Variants in PPP2R3B observed in about 807,000 individuals in gnomAD.
The protein encoded by PPP2R3B is protein phosphatase 2 regulatory subunit B''beta.
In PPP2R3B, 68 loss-of-function variants were observed where a neutral mutation model predicts 72.9. That is an observed-to-expected ratio of 0.93 (90% CI 0.77 to 1.14). The LOEUF (loss-of-function observed/expected upper bound fraction) is 1.14, where lower values mean the gene tolerates loss of function less well. Ranked by LOEUF, PPP2R3B falls within the 50% of genes most tolerant of loss-of-function variation. The pLI, the probability that PPP2R3B is intolerant of heterozygous loss-of-function variation, is 0.00. For synonymous variants in PPP2R3B, 466 were observed against 375.8 expected (o/e 1.24, Z -2.78); for missense variants, 1,018 against 842.0 (o/e 1.21, Z -2.59).
At chrX:373,398 G>C (rs1027179429) in intron 1 of PPP2R3B, 2 of 152,212 alleles carry the variant, frequency 1.3e-5, no homozygotes, top group African/African-American at 4.8e-5. Context: ...TCTGGCGTTT[G>C]GGCCCCGCCA....
intron 6 of PPP2R3B, 91 bp downstream of exon 6, chrX:346,083 A>AGAGGGGGTG: frequency 8.3e-6 from 4 of 484,640 alleles, no homozygotes; most frequent in Non-Finnish European, 1.0e-5. Context: ...GTGGGAGGGG[A>AGAGGGGGTG]GGAGGGAGGG....
intron 1 of PPP2R3B, among the ~76,000 whole-genome samples, chrX:379,325 G>A (rs1569418316): frequency 6.9e-6 from 1 of 144,800 alleles, no homozygotes; most frequent in South Asian, 2.1e-4. Flanking sequence ...GTGTGTATGC[G>A]TGTGTATGCA....
chrX:345,562 G>A lies in PPP2R3B; in HGVS notation c.990C>T (p.His330=), dbSNP rs2071184808. 6.2e-7 allele frequency: 1 copy of A among 1,613,214 alleles called. No homozygotes were observed. The highest frequency in any genetic ancestry group is 1.7e-5 in the Admixed American group (1 of 59,984). The change falls in exon 7 of 13, where the codon CAC becomes CAT. Residue 330 remains histidine, a synonymous_variant. Transcript: ENST00000390665. ...YCKFWELDTD[H]DLLIDADDLA... The stretch of plus-strand genomic sequence containing the variant: ...GGTCGTCCGCGTCGATGAGCAGGTC[G>A]TGGTCCGTGTCCAGCTCCCAGAACT...
intron 2 of PPP2R3B, among the ~76,000 whole-genome samples, chrX:356,819 A>ACACAGCGAGCCACACAGCGAGCCC (rs1569397697): frequency 8.3e-6 from 1 of 120,868 alleles, no homozygotes. Context: ...CTGGCCAGCC[A>ACACAGCGAGCCACACAGCGAGCCC]CACGGGAGCC....
At chrX:370,631 C>T (rs2071839138) in intron 1 of PPP2R3B, among the ~76,000 whole-genome samples, 1 of 152,204 alleles carries the variant, frequency 6.6e-6, no homozygotes, top group African/African-American at 2.4e-5. Context: ...GTTAACCCCC[C>T]TTGCTGCAGC....
At chrX:368,044 T>TCAAGTAAACA (rs2071761381) in intron 1 of PPP2R3B, among the ~76,000 whole-genome samples, 1 of 152,122 alleles carries the variant, frequency 6.6e-6, no homozygotes, top group African/African-American at 2.4e-5. Context: ...TCGGCACTGA[T>TCAAGTAAACA]CAAGTAAACA....
In PPP2R3B at chrX:344,648, C is replaced by G. The variant is rs186244511; in HGVS notation, c.1036+868G>C. Among the ~76,000 whole-genome samples, 1,410 of 152,354 alleles carry G rather than the reference C, an allele frequency of 9.3e-3. 35 individuals are homozygous for G. The highest frequency in any genetic ancestry group is 0.032 in the African/African-American group (1,324 of 41,584). On this transcript the variant is annotated intron_variant, in intron 7 of 12. Transcript: ENST00000390665. ...TGTGCAGGTGCTGGCCCAGGCCACA[C>G]GGGCCGGCGCTGTGGAGCTGTGCTC...
At chrX:361,926 C>T (rs1171315097) in intron 1 of PPP2R3B, among the ~76,000 whole-genome samples, 2 of 152,110 alleles carry the variant, frequency 1.3e-5, no homozygotes, top group East Asian at 1.9e-4. Flanking sequence ...TCCCGATTCC[C>T]ATGAGCCACA....
At chrX:354,794 G>C (rs1008865747) in intron 2 of PPP2R3B, among the ~76,000 whole-genome samples, 1 of 152,212 alleles carries the variant, frequency 6.6e-6, no homozygotes, top group African/African-American at 2.4e-5. Context: ...CGAGGCTGCA[G>C]TGAGCTGAGA....
chrX:371,773 C>T (rs1404314593), intron 1 of PPP2R3B, among the ~76,000 whole-genome samples: 3 of 152,050 alleles, frequency 2.0e-5, no homozygotes, highest in East Asian at 1.9e-4. Context: ...CACTCATGCG[C>T]GGAGTGAAAG....
chrX:380,509 G>C (rs2072099492), intron 1 of PPP2R3B, among the ~76,000 whole-genome samples: 1 of 152,276 alleles, frequency 6.6e-6, no homozygotes, highest in South Asian at 2.1e-4. Flanking sequence ...GTACTGGCCG[G>C]GTGTGGTTGC....
intron 1 of PPP2R3B, among the ~76,000 whole-genome samples, chrX:375,582 C>A (rs963557403): frequency 1.3e-4 from 20 of 150,378 alleles, no homozygotes; most frequent in Non-Finnish European, 2.7e-4. Context: ...GACAGAGGTG[C>A]CGCCCAGTCA....
At chrX:381,631 C>T (rs2072127794) in intron 1 of PPP2R3B, among the ~76,000 whole-genome samples, 1 of 124,978 alleles carries the variant, frequency 8.0e-6, no homozygotes, top group African/African-American at 3.2e-5. Context: ...CAGAGTCTTG[C>T]TCTGTCACCC....
intron 1 of PPP2R3B, among the ~76,000 whole-genome samples, chrX:385,072 C>A (rs1327701308): frequency 6.6e-6 from 1 of 150,724 alleles, no homozygotes; most frequent in East Asian, 2.0e-4. Context: ...TTGACAGAGG[C>A]TGCAGAGTTG....
At chrX:337,442 C>T (rs35127362) in intron 12 of PPP2R3B, 60,303 of 152,060 alleles carry the variant, frequency 0.4, 13,226 homozygotes, top group South Asian at 0.51. Flanking sequence ...GCCAACGTAG[C>T]GCGGGACAGA....
chrX:386,758 GC>G lies in PPP2R3B; in HGVS notation c.-68del. ...CGCCCCGCCCCGGGGGCTTCGGTCC[GC>G]CCCGGACCGACCTCGGTGATGCGAG... On this transcript the variant is annotated 5_prime_UTR_variant, in exon 1 of 13. Coordinates refer to ENST00000390665, the MANE Select transcript of PPP2R3B (RefSeq NM_013239.5). The G allele has an allele frequency of 1.9e-6, 2 of 1,045,680 alleles. No individual in the cohort carries two copies. Among genetic ancestry groups the G allele is most frequent in the Non-Finnish European group, 2.4e-6 (2 of 836,072 alleles). The allele number at this position is 1,045,680 out of a possible 1,614,324, so 64.8% of individuals were successfully genotyped here.
intron 2 of PPP2R3B, among the ~76,000 whole-genome samples, chrX:357,206 G>T (rs1328333573): frequency 5.9e-5 from 9 of 151,928 alleles, no homozygotes; most frequent in Non-Finnish European, 1.3e-4. Context: ...ATGATGAGGT[G>T]CAAAAGGAGG....
At chrX:376,649 G>A (rs764723590) in intron 1 of PPP2R3B, among the ~76,000 whole-genome samples, 1 of 68,492 alleles carries the variant, frequency 1.5e-5, no homozygotes, top group South Asian at 5.3e-4. Flanking sequence ...ATGCAGGGAC[G>A]GGCCATCCAC....
At chrX:361,662 C>G (rs915264163) in intron 1 of PPP2R3B, 72 bp from the exon 2 acceptor site, 1 of 1,567,508 alleles carries the variant, frequency 6.4e-7, no homozygotes, top group Non-Finnish European at 8.7e-7. Flanking sequence ...GGACAACACA[C>G]GGGGCCTCTC....
Sources: gnomAD v4.1 joint callset for allele counts (sites outside exome capture counted in the v4.1 genomes callset) on GRCh38, gnomAD v4.1.1 for gene constraint, MANE v1.5 for transcripts, NCBI Gene and HGNC (gene_info 2026-07-23, HGNC 2026-07-21) for gene names.